ERAP1: variants seen among roughly 807,000 people sequenced by gnomAD.
ERAP1 encodes the protein adipocyte-derived leucine aminopeptidase.
ERAP1 carries 86 observed loss-of-function variants against 103.7 expected under a neutral mutation model. That is an observed-to-expected ratio of 0.83 (90% CI 0.70 to 0.99). ERAP1 has a LOEUF of 0.99. ERAP1 is among the 50% of genes least tolerant of loss of function. The pLI, the probability that ERAP1 is intolerant of heterozygous loss-of-function variation, is 0.00. For missense variants in ERAP1, 1,009 were observed against 1,128.4 expected (o/e 0.89, Z 1.52); for synonymous variants, 398 against 402.4 (o/e 0.99, Z 0.13).
rs1374249541 is a variant in ERAP1 at position 96,795,114 on chromosome 5, G to T, written c.847C>A (p.Leu283Met). 1.2e-6 allele frequency: 2 copies of T among 1,613,778 alleles called. No homozygotes were observed. Among genetic ancestry groups the T allele is most frequent in the East Asian group, 2.2e-5 (1 of 44,884 alleles). The change falls in exon 5 of 19, where the codon CTG becomes ATG. Residue 283 changes from leucine to methionine, a missense_variant. Transcript: ENST00000443439. ...PDKINQADYA[L>M]DAAVTLLEFY... is the part of the protein sequence containing the mutation. Reference sequence around the variant, plus strand: ...TCTAGAAGAGTCACCGCAGCATCCAGTGCATAATCTGCTTGATTTATCTTG... The same window carrying T: ...TCTAGAAGAGTCACCGCAGCATCCATTGCATAATCTGCTTGATTTATCTTG...
At chr5:96,821,078 A>C in the ERAP1 span, among the ~76,000 whole-genome samples, 1 of 152,206 alleles carries the variant, frequency 6.6e-6, no homozygotes, top group Non-Finnish European at 1.5e-5. Context: ...AAGCTGGAGA[A>C]ACCAAGGAAG....
the ERAP1 span, among the ~76,000 whole-genome samples, chr5:96,924,502 T>C: frequency 6.6e-6 from 1 of 152,166 alleles, no homozygotes; most frequent in Non-Finnish European, 1.5e-5. Flanking sequence ...TTAGCATAGC[T>C]GTAAGAAACA....
the ERAP1 span, chr5:96,918,150 T>C: frequency 5.9e-5 from 9 of 152,434 alleles, 1 homozygote; most frequent in East Asian, 5.6e-4. Flanking sequence ...CAGTTCAGTA[T>C]CCTATTTAAA....
the ERAP1 span, chr5:96,895,386 C>T: frequency 7.3e-7 from 1 of 1,378,320 alleles, no homozygotes. Context: ...GTGTATCATA[C>T]TATATGGTGT....
chr5:96,892,919 C>A, the ERAP1 span, among the ~76,000 whole-genome samples: 1 of 152,152 alleles, frequency 6.6e-6, no homozygotes, highest in Non-Finnish European at 1.5e-5. Flanking sequence ...GGTTGATGAT[C>A]CTGGGCACAT....
chr5:96,883,653 G>A, the ERAP1 span: 1 of 822,070 alleles, frequency 1.2e-6, no homozygotes, highest in Admixed American at 3.3e-5. Flanking sequence ...CAAAGAGACA[G>A]TTGAGATTCA....
chr5:96,835,944 C>T, the ERAP1 span, among the ~76,000 whole-genome samples: 1,211 of 152,270 alleles, frequency 8.0e-3, 22 homozygotes, highest in East Asian at 0.027. Flanking sequence ...TCTGAGAACA[C>T]TCTTGTGGTT....
intron 4 of ERAP1, 151 bp downstream of exon 4, chr5:96,797,024 A>G (rs2150976197): frequency 1.2e-6 from 1 of 848,124 alleles, no homozygotes; most frequent in South Asian, 1.5e-5. Context: ...CCTGGCCTCA[A>G]GTGATTCTTC....
intron 3 of ERAP1, 98 bp downstream of exon 3, chr5:96,800,761 AAAC>A: frequency 7.6e-7 from 1 of 1,312,820 alleles, no homozygotes; most frequent in South Asian, 1.2e-5. Flanking sequence ...CCAGGCAATA[AAAC>A]AAAACAGGTG....
At chr5:96,826,930 T>C in the ERAP1 span, among the ~76,000 whole-genome samples, 39 of 152,242 alleles carry the variant, frequency 2.6e-4, no homozygotes, top group Non-Finnish European at 5.4e-4. Context: ...GTATTAGATA[T>C]ATTTTTAGTG....
the ERAP1 span, chr5:96,913,320 A>C: frequency 1.9e-6 from 3 of 1,613,366 alleles, no homozygotes; most frequent in Admixed American, 1.7e-5. Context: ...TCTTCAGGTT[A>C]ATTGAACTAG....
the ERAP1 span, among the ~76,000 whole-genome samples, chr5:96,815,416 T>TTTTG: frequency 2.8e-4 from 41 of 145,646 alleles, no homozygotes; most frequent in Non-Finnish European, 4.5e-4. Context: ...TGTTTTTTAT[T>TTTTG]TTTTTTTTTT....
chr5:96,873,694 A>C, the ERAP1 span: 1 of 325,636 alleles, frequency 3.1e-6, no homozygotes, highest in Non-Finnish European at 6.1e-6. Context: ...CAAAAAACAA[A>C]AACAAAAACT....
At chr5:96,770,344 TC>T (rs974393332), downstream of ERAP1, 5 of 549,974 alleles carry the variant, frequency 9.1e-6, no homozygotes, top group Non-Finnish European at 1.6e-5. Context: ...CTATCCTTTT[TC>T]CCTCCTGCTT....
intron 19 of ERAP1, among the ~76,000 whole-genome samples, chr5:96,763,411 C>G (rs181684231): frequency 5.3e-5 from 8 of 152,318 alleles, no homozygotes; most frequent in Admixed American, 5.2e-4. Flanking sequence ...AGAAAGTCCC[C>G]ATGCAACAGA....
At chr5:96,905,437 T>G in the ERAP1 span, among the ~76,000 whole-genome samples, 1 of 152,204 alleles carries the variant, frequency 6.6e-6, no homozygotes, top group Non-Finnish European at 1.5e-5. Flanking sequence ...TGAAATTTGT[T>G]TATATTTACT....
chr5:96,785,978 TAAATA>T lies in ERAP1; in HGVS notation c.1760-12_1760-8del, dbSNP rs1437147270. On this transcript the variant is annotated splice_polypyrimidine_tract_variant and splice_region_variant and intron_variant, in intron 12 of 18. Transcript: ENST00000443439. The stretch of plus-strand genomic sequence containing the variant: ...TCTGGGAGGATGAGCACATCTAGAG[TAAATA>T]AAATAAATCAAAGTTCCATTTGCTC... The T allele has an allele frequency of 1.2e-6, 2 of 1,613,360 alleles. No individual in the cohort carries two copies. The highest frequency in any genetic ancestry group is 2.2e-5 in the East Asian group (1 of 44,874).
intron 3 of ERAP1, among the ~76,000 whole-genome samples, chr5:96,799,567 A>G (rs1178946219): frequency 1.3e-5 from 2 of 152,136 alleles, no homozygotes; most frequent in Admixed American, 1.3e-4. Context: ...AAAGCCTACA[A>G]ATTTCTCCAC....
At chr5:96,886,763 A>G in the ERAP1 span, 1 of 1,522,768 alleles carries the variant, frequency 6.6e-7, no homozygotes, top group Non-Finnish European at 8.9e-7. Context: ...CCACTCTCTG[A>G]GTGGCTTCAC....
Sources: allele counts gnomAD v4.1 joint callset (sites outside exome capture counted in the v4.1 genomes callset), GRCh38; gene constraint gnomAD v4.1.1; transcripts MANE v1.5; gene names NCBI Gene and HGNC (gene_info 2026-07-23, HGNC 2026-07-21).